The following NAALADL2 variants were observed in gnomAD, a reference collection of about 807,000 sequenced individuals.
NAALADL2 encodes the protein N-acetylated alpha-linked acidic dipeptidase like 2.
Under a neutral mutation model 87.2 loss-of-function variants are expected in NAALADL2, and 76 were observed. The observed-to-expected ratio is 0.87, with a 90% confidence interval of 0.72 to 1.05. The LOEUF is 1.05. NAALADL2 is among the 50% of genes least tolerant of loss of function. The pLI is 0.00. For synonymous variants in NAALADL2, 354 were observed against 331.0 expected, an observed-to-expected ratio of 1.07 and a Z score of -0.75; for missense variants, 1,089 against 945.8, an observed-to-expected ratio of 1.15 and a Z score of -1.99.
chr3:175,255,173 G>T (rs1749712663), intron 3 of NAALADL2, among the ~76,000 whole-genome samples: 1 of 152,172 alleles, frequency 6.6e-6, no homozygotes, highest in Admixed American at 6.6e-5. Flanking sequence ...CATCAGGTAG[G>T]TGACATTTGA....
At position 175,324,276 on chromosome 3, in the gene NAALADL2, G is replaced by A. The variant is rs1760399801; in HGVS notation, c.1041G>A (p.Val347=). The A allele has an allele frequency of 6.2e-7, 1 of 1,613,368 alleles. No individual in the cohort carries two copies. The highest frequency in any genetic ancestry group is 1.7e-5 in the Admixed American group (1 of 59,994). The change falls in exon 5 of 14, where the codon GTG becomes GTA. Residue 347 remains valine, a synonymous_variant. Coordinates refer to ENST00000454872, the MANE Select transcript of NAALADL2 (RefSeq NM_207015.3). ...ATCCTAGCCATGATACCTTCATGGTGTCACTGAATCCAGGAGGAGACCCTT... is the reference window on the plus strand; with the variant it reads ...ATCCTAGCCATGATACCTTCATGGTATCACTGAATCCAGGAGGAGACCCTT... The part of the protein sequence containing the change: ...TVNPSHDTFM[V]SLNPGGDPST...
At chr3:174,457,924 T>C (rs1275922901) in intron 1 of NAALADL2, among the ~76,000 whole-genome samples, 1 of 151,646 alleles carries the variant, frequency 6.6e-6, no homozygotes, top group Non-Finnish European at 1.5e-5. Context: ...CACTTATAAG[T>C]GGGAGCTAAA....
intron 4 of NAALADL2, among the ~76,000 whole-genome samples, chr3:175,261,824 T>A (rs1751097526): frequency 6.6e-6 from 1 of 152,160 alleles, no homozygotes; most frequent in Non-Finnish European, 1.5e-5. Context: ...CTTTTAGATA[T>A]GTGACTTGAC....
chr3:174,690,260 G>C (rs571078879), intron 2 of NAALADL2, among the ~76,000 whole-genome samples: 1 of 152,218 alleles, frequency 6.6e-6, no homozygotes, highest in South Asian at 2.1e-4. Flanking sequence ...ATCATATACT[G>C]TAAAGAATTT....
At chr3:175,604,390 G>A (rs941932183) in intron 10 of NAALADL2, among the ~76,000 whole-genome samples, 1 of 141,920 alleles carries the variant, frequency 7.0e-6, no homozygotes, top group Non-Finnish European at 1.5e-5. Context: ...TGCAAGCTCC[G>A]CCTCCCGGGT....
intron 2 of NAALADL2, among the ~76,000 whole-genome samples, chr3:174,691,084 TA>T (rs1396621767): frequency 8.5e-5 from 13 of 152,200 alleles, no homozygotes; most frequent in African/African-American, 3.1e-4. Context: ...CCATTATGTC[TA>T]AATAAACAAT....
At chr3:175,144,252 T>G (rs1324076913) in intron 2 of NAALADL2, among the ~76,000 whole-genome samples, 1 of 151,950 alleles carries the variant, frequency 6.6e-6, no homozygotes, top group African/African-American at 2.4e-5. Context: ...TTTTAAAGTG[T>G]GCAGAGTTAA....
chr3:175,177,464 A>C (rs1271458675), intron 2 of NAALADL2, among the ~76,000 whole-genome samples: 1 of 152,096 alleles, frequency 6.6e-6, no homozygotes, highest in Non-Finnish European at 1.5e-5. Context: ...CCCTACTCCG[A>C]TCACTCATCT....
chr3:175,348,838 A>G (rs1428508263), intron 5 of NAALADL2, among the ~76,000 whole-genome samples: 1 of 152,190 alleles, frequency 6.6e-6, no homozygotes, highest in Non-Finnish European at 1.5e-5. Context: ...GTTTTGGGGA[A>G]CACAATTCAA....
rs1716643851 is a variant in NAALADL2, at chr3:174,468,005, T to C, written c.-184+26973T>C. On this transcript the variant is annotated intron_variant, in intron 1 of 3. Transcript: ENST00000434257. Reference sequence around the variant, plus strand: ...GACAAAAATTGTGGGATGTTTATTTTAGAAAAATACATTATTGCTTAGTCC... The same window carrying C: ...GACAAAAATTGTGGGATGTTTATTTCAGAAAAATACATTATTGCTTAGTCC... Among the ~76,000 whole-genome samples, 4 of 152,364 alleles carry C rather than the reference T, an allele frequency of 2.6e-5. No individual in the cohort carries two copies. The South Asian group carries it at 8.3e-4, about 32-fold the overall frequency.
intron 1 of NAALADL2, among the ~76,000 whole-genome samples, chr3:174,483,539 A>C (rs1482705086): frequency 6.6e-6 from 1 of 152,034 alleles, no homozygotes; most frequent in Non-Finnish European, 1.5e-5. Flanking sequence ...TGAGATTTGG[A>C]TGGGGACACA....
At chr3:175,622,756 A>G (rs1726406314) in intron 10 of NAALADL2, among the ~76,000 whole-genome samples, 1 of 152,136 alleles carries the variant, frequency 6.6e-6, no homozygotes, top group Admixed American at 6.5e-5. Context: ...GGCACATACT[A>G]TATATGAATA....
chr3:175,104,995 T>A (rs541269380), intron 2 of NAALADL2, among the ~76,000 whole-genome samples: 13 of 152,270 alleles, frequency 8.5e-5, no homozygotes, highest in African/African-American at 3.1e-4. Context: ...CCCCTCGCAA[T>A]CCTTAGGTAT....
At chr3:175,649,461 T>A (rs1032125275) in intron 11 of NAALADL2, among the ~76,000 whole-genome samples, 3 of 150,928 alleles carry the variant, frequency 2.0e-5, no homozygotes, top group Non-Finnish European at 4.4e-5. Flanking sequence ...TGGGCTGCCA[T>A]AACAAAATAC....
At chr3:175,312,906 A>C (rs1180855429) in intron 4 of NAALADL2, among the ~76,000 whole-genome samples, 1 of 152,216 alleles carries the variant, frequency 6.6e-6, no homozygotes, top group South Asian at 2.1e-4. Context: ...AAGTCTTTGT[A>C]TAGTTTGGCA....
intron 13 of NAALADL2, among the ~76,000 whole-genome samples, chr3:175,761,678 G>T (rs77555696): frequency 2.1e-3 from 326 of 152,090 alleles, no homozygotes; most frequent in African/African-American, 7.7e-3. Context: ...TCAGTGTTTT[G>T]GATTTTAGCT....
chr3:175,097,164 A>AT lies in NAALADL2; in HGVS notation c.422dup (p.Leu141PhefsTer21), dbSNP rs764478884. ...AGCCACCATTTTATTTATTTTTGGG[A>AT]TTTTGATAGGTTATTATGTACATAC... On this transcript the variant is annotated frameshift_variant, in exon 2 of 14. Coordinates refer to ENST00000454872, the MANE Select transcript of NAALADL2 (RefSeq NM_207015.3). LOFTEE classifies it high-confidence loss of function. 12 of 1,613,628 alleles carry AT rather than the reference A, an allele frequency of 7.4e-6. No individual in the cohort carries two copies. The African/African-American group carries it at 1.5e-4, about 20-fold the overall frequency.
chr3:175,512,938 T>C (rs1346407261), intron 9 of NAALADL2, among the ~76,000 whole-genome samples: 1 of 152,178 alleles, frequency 6.6e-6, no homozygotes, highest in African/African-American at 2.4e-5. Context: ...AGAGTTCCTC[T>C]ATTGTTCAGA....
At chr3:175,397,898 C>T (rs554174807) in intron 5 of NAALADL2, among the ~76,000 whole-genome samples, 3 of 152,140 alleles carry the variant, frequency 2.0e-5, no homozygotes, top group Admixed American at 2.0e-4. Flanking sequence ...CTAAGAGTTT[C>T]CCTAACCACC....
Sources: allele counts gnomAD v4.1 joint callset (sites outside exome capture counted in the v4.1 genomes callset), GRCh38; gene constraint gnomAD v4.1.1; transcripts MANE v1.5; gene names NCBI Gene and HGNC (gene_info 2026-07-23, HGNC 2026-07-21).